MAD1L1: variants seen among roughly 807,000 people sequenced by gnomAD.
MAD1L1 encodes the protein mitotic spindle assembly checkpoint protein MAD1.
In MAD1L1, 95 loss-of-function variants were observed where a neutral mutation model predicts 96.9. That is an observed-to-expected ratio of 0.98 (90% CI 0.83 to 1.16). The LOEUF is 1.16. Among genes scored for constraint, MAD1L1 ranks in the 50% most tolerant of loss-of-function variants. The pLI is 0.00. For missense variants in MAD1L1, 1,007 were observed against 954.4 expected (o/e 1.06, Z -0.73); for synonymous variants, 473 against 396.6 (o/e 1.19, Z -2.29).
At chr7:1,943,736 C>T (rs1006991541) in intron 16 of MAD1L1, among the ~76,000 whole-genome samples, 2 of 151,928 alleles carry the variant, frequency 1.3e-5, no homozygotes, top group South Asian at 2.1e-4. Context: ...CCCAGGCAGA[C>T]CCCCGAGAGA....
chr7:1,926,997 A>G (rs766610335), intron 17 of MAD1L1, among the ~76,000 whole-genome samples: 2 of 152,230 alleles, frequency 1.3e-5, no homozygotes, highest in African/African-American at 2.4e-5. Flanking sequence ...CAAAACAGCA[A>G]CTAACCCAGA....
At chr7:2,108,465 CAG>C (rs1299162608) in intron 11 of MAD1L1, among the ~76,000 whole-genome samples, 1 of 152,226 alleles carries the variant, frequency 6.6e-6, no homozygotes, top group African/African-American at 2.4e-5. Context: ...ATTTACAACA[CAG>C]TGTTTTTCTC....
At chr7:1,922,601 C>A (rs752328836) in intron 17 of MAD1L1, among the ~76,000 whole-genome samples, 1 of 152,194 alleles carries the variant, frequency 6.6e-6, no homozygotes, top group Non-Finnish European at 1.5e-5. Context: ...GGAAAAGGGT[C>A]GGTCCTGCCT....
At chr7:1,863,055 G>C (rs1040877601) in intron 18 of MAD1L1, among the ~76,000 whole-genome samples, 6 of 152,228 alleles carry the variant, frequency 3.9e-5, no homozygotes, top group African/African-American at 1.4e-4. Flanking sequence ...CACAGGCCTG[G>C]AGGCTGGGAG....
chr7:2,193,951 T>A (rs1791856039), intron 10 of MAD1L1, among the ~76,000 whole-genome samples: 2 of 145,600 alleles, frequency 1.4e-5, no homozygotes, highest in Admixed American at 1.4e-4. Context: ...TTTTTTTTTT[T>A]TTTTTTTTTT....
intron 10 of MAD1L1, among the ~76,000 whole-genome samples, chr7:2,177,870 C>T (rs1005753196): frequency 2.0e-5 from 3 of 152,176 alleles, no homozygotes; most frequent in Non-Finnish European, 4.4e-5. Context: ...GGACTGCAGC[C>T]GACATCGCCA....
At chr7:1,917,756 G>C (rs896095713) in intron 17 of MAD1L1, among the ~76,000 whole-genome samples, 1 of 152,236 alleles carries the variant, frequency 6.6e-6, no homozygotes, top group African/African-American at 2.4e-5. Flanking sequence ...CGGGCGTGTG[G>C]CCGTGCACAG....
Position 2,225,501 on chromosome 7 carries a change from A to G in MAD1L1, c.200T>C (p.Val67Ala), listed in dbSNP as rs1793842731. Residue 67 changes from valine to alanine, a missense_variant, in exon 4 of 19, where the codon GTG becomes GCG. Transcript: ENST00000265854. ...QIRSKSHLIQ[V>A]EREKMQMELS... ...CTCCATCTGCATTTTCTCCCGCTCC[A>G]CCTGGATGAGGTGGGACTTCGAACG... The G allele has an allele frequency of 6.2e-7, 1 of 1,614,026 alleles. No individual in the cohort carries two copies. Among genetic ancestry groups the G allele is most frequent in the East Asian group, 2.2e-5 (1 of 44,872 alleles).
chr7:1,883,455 C>T (rs1785812364), intron 18 of MAD1L1, among the ~76,000 whole-genome samples: 1 of 152,208 alleles, frequency 6.6e-6, no homozygotes, highest in South Asian at 2.1e-4. Context: ...GAGGGCTGCC[C>T]ATGCCCGCAG....
At chr7:2,115,526 G>A (rs550433557) in intron 11 of MAD1L1, among the ~76,000 whole-genome samples, 37 of 145,148 alleles carry the variant, frequency 2.5e-4, no homozygotes, top group African/African-American at 9.6e-4. Context: ...CAGGGTCCCC[G>A]CATGTTCCGG....
chr7:1,912,157 C>T (rs548301310), intron 17 of MAD1L1, among the ~76,000 whole-genome samples: 71 of 152,294 alleles, frequency 4.7e-4, no homozygotes, highest in African/African-American at 1.7e-3. Flanking sequence ...CAGATGGCGG[C>T]AGGGGCCCTG....
chr7:2,094,215 T>C (rs900172815), intron 11 of MAD1L1, among the ~76,000 whole-genome samples: 5 of 152,252 alleles, frequency 3.3e-5, no homozygotes, highest in East Asian at 1.9e-4. Flanking sequence ...GACCCACCCA[T>C]GGTCAGTGTG....
intron 11 of MAD1L1, among the ~76,000 whole-genome samples, chr7:2,098,481 C>T (rs928200721): frequency 6.6e-6 from 1 of 152,180 alleles, no homozygotes; most frequent in African/African-American, 2.4e-5. Context: ...CCCCTGCTGC[C>T]TGGGGTCCCA....
chr7:1,966,514 G>A (rs1036243883), intron 15 of MAD1L1, among the ~76,000 whole-genome samples: 3 of 92,454 alleles, frequency 3.2e-5, no homozygotes, highest in Admixed American at 1.6e-4. Flanking sequence ...GTGAATTGCT[G>A]AAAAAGTATT....
intron 15 of MAD1L1, among the ~76,000 whole-genome samples, chr7:1,973,905 C>T (rs1181227366): frequency 6.6e-6 from 1 of 152,232 alleles, no homozygotes; most frequent in African/African-American, 2.4e-5. Flanking sequence ...CTGCCCAGCA[C>T]AGACACAGGA....
intron 15 of MAD1L1, among the ~76,000 whole-genome samples, chr7:1,976,186 A>G (rs1342137956): frequency 6.6e-6 from 1 of 152,226 alleles, no homozygotes; most frequent in Non-Finnish European, 1.5e-5. Flanking sequence ...TGTGTGTGTG[A>G]GGACCATCCC....
intron 10 of MAD1L1, among the ~76,000 whole-genome samples, chr7:2,155,636 C>A (rs149718701): frequency 2.6e-4 from 40 of 152,342 alleles, no homozygotes; most frequent in African/African-American, 9.1e-4. Flanking sequence ...ATGTGGCAGA[C>A]TCTCCTTCCT....
chr7:2,040,521 C>G (rs748527455), intron 12 of MAD1L1, among the ~76,000 whole-genome samples: 1 of 152,254 alleles, frequency 6.6e-6, no homozygotes, highest in Non-Finnish European at 1.5e-5. Flanking sequence ...CGAACGCGCT[C>G]CTGTCGCCTC....
intron 11 of MAD1L1, among the ~76,000 whole-genome samples, chr7:2,123,163 C>T (rs1382283420): frequency 4.6e-5 from 7 of 152,014 alleles, no homozygotes; most frequent in African/African-American, 1.7e-4. Flanking sequence ...ATTAGCCAGG[C>T]GTGGTGGTGG....
Sources: gnomAD v4.1 joint callset for allele counts (sites outside exome capture counted in the v4.1 genomes callset) on GRCh38, gnomAD v4.1.1 for gene constraint, MANE v1.5 for transcripts, NCBI Gene and HGNC (gene_info 2026-07-23, HGNC 2026-07-21) for gene names.